C11orf65: variants seen among roughly 807,000 people sequenced by gnomAD.
C11orf65 encodes the protein chromosome 11 open reading frame 65.
Under a neutral mutation model 35.3 loss-of-function variants are expected in C11orf65, and 38 were observed. The ratio of observed to expected loss-of-function variants is 1.08; its 90% CI spans 0.83 to 1.41. The LOEUF (loss-of-function observed/expected upper bound fraction) is 1.41. Ranked by LOEUF, C11orf65 falls within the 40% of genes most tolerant of loss-of-function variation. C11orf65 has a pLI of 0.00. For synonymous variants in C11orf65, 105 were observed against 114.4 expected, an observed-to-expected ratio of 0.92 and a Z score of 0.53; for missense variants, 370 against 367.1, an observed-to-expected ratio of 1.01 and a Z score of -0.06.
chr11:108,402,098 T>C (rs1195952882), intron 6 of C11orf65, among the ~76,000 whole-genome samples: 1 of 152,236 alleles, frequency 6.6e-6, no homozygotes, highest in East Asian at 1.9e-4. Context: ...CTTGTACCTC[T>C]GTCTGGGCTG....
downstream of C11orf65, among the ~76,000 whole-genome samples, chr11:108,326,597 A>G (rs2085706676): frequency 6.6e-6 from 1 of 152,254 alleles, no homozygotes; most frequent in East Asian, 1.9e-4. Context: ...AATAAAAGCA[A>G]GTTGGGACAA....
intron 2 of C11orf65, among the ~76,000 whole-genome samples, chr11:108,345,321 T>C (rs181352259): frequency 6.6e-6 from 1 of 152,310 alleles, no homozygotes; most frequent in Admixed American, 6.5e-5. Flanking sequence ...AAGAAGATGT[T>C]GGAGGATAGA....
chr11:108,326,693 C>T (rs960916208), downstream of C11orf65, among the ~76,000 whole-genome samples: 13 of 152,180 alleles, frequency 8.5e-5, no homozygotes, highest in Non-Finnish European at 1.8e-4. Flanking sequence ...ACTTATGTTG[C>T]TACTTCAGCT....
intron 2 of C11orf65, among the ~76,000 whole-genome samples, chr11:108,440,902 C>G (rs1186297012): frequency 1.3e-5 from 2 of 152,176 alleles, no homozygotes; most frequent in African/African-American, 4.8e-5. Flanking sequence ...CAGCTCCCAG[C>G]ATGAGCAACG....
intron 6 of C11orf65, among the ~76,000 whole-genome samples, chr11:108,404,982 T>C (rs1225012685): frequency 6.6e-6 from 1 of 152,198 alleles, no homozygotes; most frequent in Non-Finnish European, 1.5e-5. Context: ...CCTGGTCCCA[T>C]TAACTTTAGT....
At chr11:108,401,311 A>T (rs756202477) in intron 6 of C11orf65, among the ~76,000 whole-genome samples, 17 of 152,052 alleles carry the variant, frequency 1.1e-4, no homozygotes, top group Non-Finnish European at 1.9e-4. Flanking sequence ...AACAGAAATT[A>T]AAAAAAGAAA....
downstream of C11orf65, among the ~76,000 whole-genome samples, chr11:108,379,751 C>G (rs2091825815): frequency 6.6e-6 from 1 of 151,946 alleles, no homozygotes; most frequent in Non-Finnish European, 1.5e-5. Flanking sequence ...TAGACTGTAC[C>G]TAGAAGTTCC....
rs1229180995 is a variant in C11orf65 at position 108,360,588 on chromosome 11, C to T, written c.227-25296G>A. 4.0e-5 allele frequency among the ~76,000 whole-genome samples: 6 copies of T among 148,174 alleles called. No homozygotes were observed. In the East Asian group the frequency reaches 1.2e-3, roughly 29 times the overall value. On this transcript the variant is annotated intron_variant, in intron 2 of 3. Transcript: ENST00000524755. The stretch of plus-strand genomic sequence containing the variant: ...ACGAATCCAGCAGCACATCCAAAAG[C>T]TTATCCACCATGATCCAGTGGGCTT...
chr11:108,363,364 C>G (rs1186323624), intron 2 of C11orf65, among the ~76,000 whole-genome samples: 1 of 152,188 alleles, frequency 6.6e-6, no homozygotes, highest in African/African-American at 2.4e-5. Flanking sequence ...GTATTTGTCT[C>G]TCCTGGCCTT....
rs556244600 is a variant in C11orf65 at position 108,444,801 on chromosome 11, A to C, written c.82-12963T>G. Among the ~76,000 whole-genome samples, 3 of 152,262 alleles carry C rather than the reference A, an allele frequency of 2.0e-5. No homozygotes were observed. The East Asian group carries it at 5.8e-4, about 29-fold the overall frequency. ...CACCGTGCACGAGCTGAAGCAGGGC[A>C]AGGCATTGCCTCACTCCGGCAGCGC... On this transcript the variant is annotated intron_variant, in intron 2 of 8. Transcript: ENST00000393084.
chr11:108,357,481 C>T (rs1363646725), intron 2 of C11orf65, among the ~76,000 whole-genome samples: 1 of 152,248 alleles, frequency 6.6e-6, no homozygotes, highest in Non-Finnish European at 1.5e-5. Context: ...TAGGCTCCAC[C>T]TCTGGGGGCA....
intron 6 of C11orf65, among the ~76,000 whole-genome samples, chr11:108,309,291 A>G (rs1284290560): frequency 6.6e-6 from 1 of 152,178 alleles, no homozygotes; most frequent in Non-Finnish European, 1.5e-5. Context: ...CTTCCTTTCC[A>G]TGGGGAAATT....
chr11:108,425,265 C>G (rs1220161312), intron 3 of C11orf65, among the ~76,000 whole-genome samples: 1 of 151,084 alleles, frequency 6.6e-6, no homozygotes, highest in Non-Finnish European at 1.5e-5. Flanking sequence ...GCCAGACTAA[C>G]AAAGAAGAGA....
intron 2 of C11orf65, among the ~76,000 whole-genome samples, chr11:108,356,522 G>T (rs528511348): frequency 7.2e-6 from 1 of 138,684 alleles, no homozygotes; most frequent in Admixed American, 7.7e-5. Context: ...GGCGACAAGA[G>T]CAAGACTCTG....
intron 2 of C11orf65, among the ~76,000 whole-genome samples, chr11:108,453,113 C>G (rs1183068396): frequency 1.3e-3 from 2 of 1,576 alleles, no homozygotes; most frequent in Non-Finnish European, 0.019. Flanking sequence ...ACAACCTGCA[C>G]GTTGTGCATG....
At chr11:108,383,264 T>A in intron 8 of C11orf65, 89 bp from the exon 9 acceptor site, 3 of 1,110,480 alleles carry the variant, frequency 2.7e-6, no homozygotes, top group Non-Finnish European at 3.8e-6. Context: ...TGTTCCACAT[T>A]CCTTTTCACC....
At chr11:108,458,196 T>C (rs996485899) in intron 2 of C11orf65, among the ~76,000 whole-genome samples, 1 of 151,902 alleles carries the variant, frequency 6.6e-6, no homozygotes, top group Non-Finnish European at 1.5e-5. Flanking sequence ...CTTTTTGTTT[T>C]GACATTATTG....
intron 3 of C11orf65, among the ~76,000 whole-genome samples, chr11:108,412,310 G>C (rs1207723278): frequency 7.0e-6 from 1 of 142,182 alleles, no homozygotes. Context: ...GGAATACAGA[G>C]AAAAAAAAAA....
intron 3 of C11orf65, among the ~76,000 whole-genome samples, chr11:108,420,021 T>TA (rs2092792685): frequency 6.6e-6 from 1 of 152,216 alleles, no homozygotes; most frequent in Non-Finnish European, 1.5e-5. Flanking sequence ...ATGTACACAT[T>TA]ATTAGAATTA....
Sources: gnomAD v4.1 joint callset for allele counts (sites outside exome capture counted in the v4.1 genomes callset) on GRCh38, gnomAD v4.1.1 for gene constraint, MANE v1.5 for transcripts, NCBI Gene and HGNC (gene_info 2026-07-23, HGNC 2026-07-21) for gene names.